SEMA3F: variants seen among roughly 807,000 people sequenced by gnomAD.
SEMA3F encodes the protein semaphorin 3F.
In SEMA3F, 30 loss-of-function variants were observed where a neutral mutation model predicts 98.5. The observed-to-expected ratio is 0.30, with a 90% CI of 0.23 to 0.41. SEMA3F has a LOEUF of 0.41. Among genes scored for constraint, SEMA3F ranks in the 10% least tolerant of loss-of-function variants. The probability of loss-of-function intolerance (pLI) is 1.00; values close to 1 mark genes in which losing one functional copy is unlikely to be tolerated. For synonymous variants in SEMA3F, 380 were observed against 444.8 expected (o/e 0.85, Z 1.83); for missense variants, 866 against 1,119.3 (o/e 0.77, Z 3.23).
intron 18 of SEMA3F, among the ~76,000 whole-genome samples, chr3:50,187,414 C>A (rs1331097775): frequency 7.2e-6 from 1 of 139,634 alleles, no homozygotes; most frequent in Non-Finnish European, 1.5e-5. Context: ...CAGAGCCAGA[C>A]CTTGTCTCAA....
chr3:50,181,285 A>G (rs548508595), intron 7 of SEMA3F, among the ~76,000 whole-genome samples: 11 of 151,110 alleles, frequency 7.3e-5, no homozygotes, highest in Non-Finnish European at 1.2e-4. Flanking sequence ...ATTGTTAGCT[A>G]TGCTCTTTTT....
intron 2 of SEMA3F, among the ~76,000 whole-genome samples, chr3:50,168,280 T>C (rs1698478303): frequency 6.6e-6 from 1 of 151,874 alleles, no homozygotes; most frequent in Admixed American, 6.6e-5. Context: ...GCTTCTAGGG[T>C]TCCCATCCAG....
chr3:50,161,853 G>A (rs1362845303), intron 2 of SEMA3F, among the ~76,000 whole-genome samples: 1 of 152,214 alleles, frequency 6.6e-6, no homozygotes, highest in Admixed American at 6.5e-5. Flanking sequence ...GGTGGTCTCA[G>A]CCTGGTTATG....
intron 10 of SEMA3F, 46 bp downstream of exon 10, chr3:50,183,064 G>A (rs2109114070): frequency 1.9e-6 from 3 of 1,583,154 alleles, no homozygotes; most frequent in Non-Finnish European, 2.6e-6. Context: ...ACAGCAAGAG[G>A]GATAGAGGCG....
Position 50,182,707 on chromosome 3 carries a change from ACTT to A in SEMA3F, c.835_837del (p.Phe279del). On this transcript the variant is annotated inframe_deletion, in exon 9 of 19. Coordinates refer to ENST00000002829, the MANE Select transcript of SEMA3F (RefSeq NM_004186.5). The surrounding 1 kb of genome is among the most constrained non-coding windows in gnomAD (Gnocchi z 4.5). Reference sequence around the variant, plus strand: ...GCGGAGCGCAATGATGATAAGCTTTACTTCTTCTTCCGTGAGCGGTCGGCAGAG... The same window carrying A: ...GCGGAGCGCAATGATGATAAGCTTTACTTCTTCCGTGAGCGGTCGGCAGAG... 4 of 1,613,650 alleles carry A rather than the reference ACTT, an allele frequency of 2.5e-6. No homozygotes were observed. Among genetic ancestry groups the A allele is most frequent in the South Asian group, 1.1e-5 (1 of 91,080 alleles).
Position 50,182,773 on chromosome 3 carries a change from G to A in SEMA3F, c.893G>A (p.Arg298His). 2 of 1,612,678 alleles carry A rather than the reference G, an allele frequency of 1.2e-6. No homozygotes were observed. The highest frequency in any genetic ancestry group is 1.7e-6 in the Non-Finnish European group (2 of 1,179,872). Residue 298 changes from arginine to histidine, a missense_variant, in exon 9 of 19, where the codon CGC becomes CAC. Physicochemically the swap from Arg to His is conservative, Grantham distance 29 (BLOSUM62 0). Around this residue, in one of 3 missense-constraint regions of SEMA3F, gnomAD observed 374 missense variants for 582.8 expected, o/e 0.64. Coordinates refer to ENST00000002829, the MANE Select transcript of SEMA3F (RefSeq NM_004186.5). The surrounding 1 kb of genome is among the most constrained non-coding windows in gnomAD (Gnocchi z 4.5). ...CCCGCGGTGTACGCCCGCATCGGGC[G>A]CATTTGCCTGGTATGCATTGGCAGA... ...QSPAVYARIG[R>H]ICLNDDGGHC...
intron 2 of SEMA3F, among the ~76,000 whole-genome samples, chr3:50,162,200 T>C (rs972271285): frequency 6.6e-6 from 1 of 152,152 alleles, no homozygotes; most frequent in African/African-American, 2.4e-5. Flanking sequence ...CTAGAGGTGC[T>C]GGCATAAGGG....
At chr3:50,174,384 C>G in intron 5 of SEMA3F, 34 bp downstream of exon 5, 1 of 1,588,114 alleles carries the variant, frequency 6.3e-7, no homozygotes, top group Non-Finnish European at 8.6e-7. Flanking sequence ...TGTGCTGCCC[C>G]CGCTGGTGGC....
chr3:50,186,546 G>T, intron 17 of SEMA3F, 67 bp from the exon 18 acceptor site: 1 of 1,550,030 alleles, frequency 6.5e-7, no homozygotes, highest in Non-Finnish European at 8.8e-7. Flanking sequence ...CTCGGTGCCT[G>T]CCCCGAAGCA....
At chr3:50,180,544 T>C (rs1698977395) in intron 7 of SEMA3F, among the ~76,000 whole-genome samples, 1 of 152,162 alleles carries the variant, frequency 6.6e-6, no homozygotes, top group African/African-American at 2.4e-5. Flanking sequence ...TATTAATTGA[T>C]CTAATTTTAA....
chr3:50,183,774 G>A (rs575264802), intron 12 of SEMA3F, among the ~76,000 whole-genome samples: 49 of 152,348 alleles, frequency 3.2e-4, no homozygotes, highest in African/African-American at 1.1e-3. Flanking sequence ...TGGGTTGGGC[G>A]TGGTCGGCTG....
chr3:50,164,231 C>T (rs765339839), intron 2 of SEMA3F, among the ~76,000 whole-genome samples: 7 of 152,190 alleles, frequency 4.6e-5, no homozygotes, highest in Admixed American at 1.3e-4. Context: ...GCATGATGCC[C>T]GCCCCTCCTT....
At chr3:50,187,129 G>A (rs12637671) in intron 18 of SEMA3F, among the ~76,000 whole-genome samples, 102,883 of 152,096 alleles carry the variant, frequency 0.68, 35,429 homozygotes, top group East Asian at 0.99. Flanking sequence ...GGATATTCTC[G>A]TTAAATGGAA....
At chr3:50,176,665 G>T (rs1318010364) in intron 6 of SEMA3F, 103 bp from the exon 7 acceptor site, 1 of 824,130 alleles carries the variant, frequency 1.2e-6, no homozygotes, top group East Asian at 2.4e-5. Context: ...GTGGGCTCGG[G>T]GTATGCCTGG....
chr3:50,185,839 T>C lies in SEMA3F; in HGVS notation c.1588-50T>C, dbSNP rs747604485. Reference sequence around the variant, plus strand: ...GGAGCCCAGCCTAGCTGGCTGTTGGTGGGGCTGGCTATGGGACAGGAACTG... The same window carrying C: ...GGAGCCCAGCCTAGCTGGCTGTTGGCGGGGCTGGCTATGGGACAGGAACTG... On this transcript the variant is annotated intron_variant, in intron 15 of 18. Transcript: ENST00000002829. 7.5e-6 allele frequency: 12 copies of C among 1,606,320 alleles called. No individual in the cohort carries two copies. The South Asian group carries it at 1.3e-4, about 18-fold the overall frequency.
intron 2 of SEMA3F, among the ~76,000 whole-genome samples, chr3:50,165,814 A>G (rs1310000719): frequency 6.6e-6 from 1 of 152,128 alleles, no homozygotes; most frequent in East Asian, 1.9e-4. Flanking sequence ...CCCCAGGGAG[A>G]GGGTGGAGGC....
In SEMA3F at chr3:50,166,903, G is replaced by T. The variant is rs1344956269; in HGVS notation, c.113-6890G>T. ...TCCGGGCCAGGTCTGGAATGTGGGAGGAGGAGGTGGGTCCCCCGGGGGCCT... is the reference window on the plus strand; with the variant it reads ...TCCGGGCCAGGTCTGGAATGTGGGATGAGGAGGTGGGTCCCCCGGGGGCCT... On this transcript the variant is annotated intron_variant, in intron 2 of 18. Coordinates refer to ENST00000002829, the MANE Select transcript of SEMA3F (RefSeq NM_004186.5). This position sits in a 1 kb window ranked among gnomAD's most constrained non-coding sequence, Gnocchi z 4.7. Among the ~76,000 whole-genome samples, 1 of 152,116 alleles carries T rather than the reference G, an allele frequency of 6.6e-6. No individual in the cohort carries two copies.
Position 50,183,196 on chromosome 3 carries a change from T to C in SEMA3F, c.1029T>C (p.Phe343=). 6.2e-7 allele frequency: 1 copy of C among 1,614,094 alleles called. No individual in the cohort carries two copies. The highest frequency in any genetic ancestry group is 8.5e-7 in the Non-Finnish European group (1 of 1,179,972). The stretch of plus-strand genomic sequence containing the variant: ...TCCCTCTGTCCCCAGAGGACGTGTT[T>C]GTCCAGCAGACCCAGGACGTGAGGA... ...ETHFDELQDV[F]VQQTQDVRNP... The change falls in exon 11 of 19, where the codon TTT becomes TTC. Residue 343 remains phenylalanine (F), a synonymous_variant. Transcript: ENST00000002829.
intron 7 of SEMA3F, among the ~76,000 whole-genome samples, chr3:50,177,759 C>T (rs1161203492): frequency 3.9e-5 from 6 of 152,156 alleles, no homozygotes; most frequent in Non-Finnish European, 8.8e-5. Context: ...CAGTGGCTCA[C>T]ACCTATAATC....
Sources: allele counts gnomAD v4.1 joint callset (sites outside exome capture counted in the v4.1 genomes callset), GRCh38; gene constraint gnomAD v4.1.1; regional missense constraint gnomAD v4.1.1; non-coding constraint Gnocchi (gnomAD v3.1); transcripts MANE v1.5; gene names NCBI Gene and HGNC (gene_info 2026-07-23, HGNC 2026-07-21).